The following ARB2A variants were observed in gnomAD, a reference collection of about 807,000 sequenced individuals.
ARB2A encodes the protein ARB2 cotranscriptional regulator A, also known as cotranscriptional regulator ARB2A.
At chr5:93,976,844 T>C in the ARB2A span, among the ~76,000 whole-genome samples, 1 of 152,172 alleles carries the variant, frequency 6.6e-6, no homozygotes, top group African/African-American at 2.4e-5. Flanking sequence ...TATGATTCTA[T>C]ATCTAGAAAA....
At chr5:93,854,474 T>C in the ARB2A span, among the ~76,000 whole-genome samples, 1 of 152,240 alleles carries the variant, frequency 6.6e-6, no homozygotes, top group African/African-American at 2.4e-5. Context: ...GCTCTGATTT[T>C]AGTTATTTCT....
At chr5:94,041,320 G>A in the ARB2A span, among the ~76,000 whole-genome samples, 6 of 151,850 alleles carry the variant, frequency 4.0e-5, no homozygotes, top group African/African-American at 1.2e-4. Context: ...TTTTCAAGAC[G>A]GCCCAGCAAA....
At chr5:93,680,245 ACT>A in the ARB2A span, among the ~76,000 whole-genome samples, 3 of 152,058 alleles carry the variant, frequency 2.0e-5, no homozygotes, top group Non-Finnish European at 2.9e-5. Context: ...ATACTTAAAA[ACT>A]CTTGTGTATT....
At chr5:93,731,135 T>C in the ARB2A span, among the ~76,000 whole-genome samples, 37 of 152,096 alleles carry the variant, frequency 2.4e-4, no homozygotes, top group Non-Finnish European at 4.6e-4. Context: ...GTAGGGGTAG[T>C]AGGTGTTATT....
the ARB2A span, among the ~76,000 whole-genome samples, chr5:93,935,300 C>T: frequency 2.6e-5 from 4 of 152,170 alleles, no homozygotes; most frequent in Middle Eastern, 3.4e-3. Context: ...GGGGACCTAA[C>T]CCAGTCAACT....
At chr5:93,810,434 G>T in the ARB2A span, among the ~76,000 whole-genome samples, 2 of 151,956 alleles carry the variant, frequency 1.3e-5, no homozygotes, top group Non-Finnish European at 2.9e-5. Flanking sequence ...ACAGGGTCTG[G>T]CTCTGTCATC....
chr5:94,044,609 C>G, the ARB2A span, among the ~76,000 whole-genome samples: 3 of 152,216 alleles, frequency 2.0e-5, no homozygotes, highest in Non-Finnish European at 4.4e-5. Context: ...GCAACTCCGT[C>G]TTGAAAAGGA....
At chr5:93,970,349 T>C in the ARB2A span, among the ~76,000 whole-genome samples, 1 of 152,142 alleles carries the variant, frequency 6.6e-6, no homozygotes, top group Non-Finnish European at 1.5e-5. Context: ...AATATATCTA[T>C]AAAATTTTTA....
chr5:93,962,272 A>T, the ARB2A span, among the ~76,000 whole-genome samples: 2 of 152,196 alleles, frequency 1.3e-5, no homozygotes, highest in Non-Finnish European at 2.9e-5. Context: ...AACACCATTA[A>T]TTGCTGAAAC....
chr5:93,969,279 G>A, the ARB2A span, among the ~76,000 whole-genome samples: 4 of 151,904 alleles, frequency 2.6e-5, no homozygotes, highest in East Asian at 1.9e-4. Flanking sequence ...TGTTATAAGC[G>A]ACAAGACAGG....
chr5:94,095,085 A>ACTC, the ARB2A span, among the ~76,000 whole-genome samples: 1 of 152,034 alleles, frequency 6.6e-6, no homozygotes, highest in Non-Finnish European at 1.5e-5. Context: ...TTTTCTTGGG[A>ACTC]CTCTGTTACT....
At chr5:94,098,025 T>A in the ARB2A span, among the ~76,000 whole-genome samples, 1 of 152,184 alleles carries the variant, frequency 6.6e-6, no homozygotes, top group Non-Finnish European at 1.5e-5. Flanking sequence ...AACAAAGCTG[T>A]GAGCCTGGAC....
At chr5:94,078,180 C>T in the ARB2A span, among the ~76,000 whole-genome samples, 1 of 152,158 alleles carries the variant, frequency 6.6e-6, no homozygotes, top group South Asian at 2.1e-4. Context: ...CTTTTCATCT[C>T]ACATTCTGAA....
chr5:94,004,078 T>C, the ARB2A span, among the ~76,000 whole-genome samples: 1 of 152,124 alleles, frequency 6.6e-6, no homozygotes, highest in African/African-American at 2.4e-5. Flanking sequence ...ATAAGAGCAA[T>C]TCAATGAAGG....
At chr5:93,648,316 A>G in the ARB2A span, among the ~76,000 whole-genome samples, 2 of 152,144 alleles carry the variant, frequency 1.3e-5, no homozygotes, top group Non-Finnish European at 2.9e-5. Flanking sequence ...TTTTAAGTAC[A>G]TTATGTTAGT....
At chr5:93,686,575 T>G in the ARB2A span, among the ~76,000 whole-genome samples, 2 of 152,196 alleles carry the variant, frequency 1.3e-5, no homozygotes, top group Non-Finnish European at 2.9e-5. Flanking sequence ...TTCTTCCTAT[T>G]AGCCCTTGTT....
the ARB2A span, among the ~76,000 whole-genome samples, chr5:93,696,387 T>G: frequency 6.6e-6 from 1 of 152,314 alleles, no homozygotes; most frequent in Non-Finnish European, 1.5e-5. Context: ...TCTTCTTCCC[T>G]TCTATGAATC....
At chr5:93,800,585 G>A in the ARB2A span, among the ~76,000 whole-genome samples, 1 of 152,016 alleles carries the variant, frequency 6.6e-6, no homozygotes, top group Non-Finnish European at 1.5e-5. Flanking sequence ...AGACGGGAGA[G>A]GAGGGAGTTT....
At chr5:93,830,311 G>GTGTATGTGTGTGTATGTA in the ARB2A span, among the ~76,000 whole-genome samples, 4 of 82,260 alleles carry the variant, frequency 4.9e-5, no homozygotes, top group Non-Finnish European at 9.5e-5. Context: ...GTGTGTGTGT[G>GTGTATGTGTGTGTATGTA]TATATATATA....
Sources: gnomAD v4.1 joint callset for allele counts (sites outside exome capture counted in the v4.1 genomes callset) on GRCh38, gnomAD v4.1.1 for gene constraint, MANE v1.5 for transcripts, NCBI Gene and HGNC (gene_info 2026-07-23, HGNC 2026-07-21) for gene names.